Variants in JCAD observed in about 807,000 individuals in gnomAD.
JCAD encodes the protein junctional cadherin 5-associated protein.
In JCAD, 40 loss-of-function variants were observed where a neutral mutation model predicts 98.0. The observed-to-expected ratio is 0.41, with a 90% CI of 0.32 to 0.53. JCAD has a LOEUF of 0.53. JCAD is among the 20% of genes least tolerant of loss of function. The pLI is 0.31. For synonymous variants in JCAD, 691 were observed against 682.3 expected (o/e 1.01, Z -0.20); for missense variants, 1,705 against 1,738.1 (o/e 0.98, Z 0.34).
intron 1 of JCAD, among the ~76,000 whole-genome samples, chr10:30,077,245 T>C (rs1057193068): frequency 1.3e-5 from 2 of 152,106 alleles, no homozygotes; most frequent in African/African-American, 4.8e-5. Flanking sequence ...ATTGAGCAAA[T>C]AGAATCAAAT....
At chr10:30,092,480 A>G (rs972171796) in intron 1 of JCAD, among the ~76,000 whole-genome samples, 7 of 152,106 alleles carry the variant, frequency 4.6e-5, no homozygotes, top group Admixed American at 1.3e-4. Flanking sequence ...TCCGAACAGA[A>G]GCTAGCAGGC....
At chr10:30,107,024 TTTA>T (rs753235676) in intron 1 of JCAD, among the ~76,000 whole-genome samples, 5 of 152,214 alleles carry the variant, frequency 3.3e-5, no homozygotes, top group Admixed American at 6.5e-5. Flanking sequence ...GTCCTGATTC[TTTA>T]TTAACACTGG....
chr10:30,056,293 TTATC>T (rs1837568845), intron 1 of JCAD, among the ~76,000 whole-genome samples: 1 of 152,212 alleles, frequency 6.6e-6, no homozygotes, highest in Non-Finnish European at 1.5e-5. Context: ...AGCCAAGTCT[TTATC>T]AAAGTGTTTG....
intron 3 of JCAD, among the ~76,000 whole-genome samples, chr10:30,019,351 C>A (rs1836608550): frequency 8.4e-6 from 1 of 119,052 alleles, no homozygotes; most frequent in Non-Finnish European, 1.6e-5. Context: ...GAGCGAAACT[C>A]TGTCTCAAAA....
chr10:30,066,454 C>T lies in JCAD; in HGVS notation n.250+3246G>A, dbSNP rs555335480. ...TGTTTACTAGTGGTAGAAAGACATT[C>T]CAAGCTTCCCCCTGCCTGCAGTTTA... On this transcript the variant is annotated intron_variant and non_coding_transcript_variant, in intron 2 of 2. Coordinates refer to the JCAD transcript ENST00000465712. 3.8e-4 allele frequency among the ~76,000 whole-genome samples: 58 copies of T among 152,288 alleles called. No homozygotes were observed. In the Middle Eastern group the frequency reaches 0.017, roughly 45 times the overall value.
At chr10:30,036,250 C>T (rs996086568) in intron 2 of JCAD, among the ~76,000 whole-genome samples, 1 of 152,144 alleles carries the variant, frequency 6.6e-6, no homozygotes, top group Non-Finnish European at 1.5e-5. Context: ...TCAAGACCAG[C>T]CTGACCAACA....
In JCAD at chr10:30,027,591, T is replaced by G. The variant is rs1836859596; in HGVS notation, c.2557A>C (p.Ser853Arg). Residue 853 changes from serine (S) to arginine (R), a missense_variant, in exon 3 of 4, where the codon AGC (serine) becomes CGC (arginine). Ser to Arg is a moderately radical substitution (Grantham distance 110). This residue lies in a region of JCAD where 1,278 missense variants were observed against 1,243.1 expected (regional missense o/e 1.03). Transcript: ENST00000375377. ...QEEEESSSSS[S>R]SSSSSSEESE... ...TCCTCACTGCTGCTGCTGCTGCTGC[T>G]GCTGCTACTGCTGCTTTCTTCCTCT... 1 of 1,614,244 alleles carries G rather than the reference T, an allele frequency of 6.2e-7. No homozygotes were observed. The highest frequency in any genetic ancestry group is 8.5e-7 in the Non-Finnish European group (1 of 1,180,034).
chr10:30,086,430 T>C (rs1402619716), intron 1 of JCAD, among the ~76,000 whole-genome samples: 8 of 152,224 alleles, frequency 5.3e-5, no homozygotes, highest in Admixed American at 5.2e-4. Context: ...TTCTTTTGGT[T>C]TGCAGCTGCC....
At chr10:30,062,106 A>G (rs1837710777), upstream of JCAD, among the ~76,000 whole-genome samples, 1 of 152,228 alleles carries the variant, frequency 6.6e-6, no homozygotes, top group African/African-American at 2.4e-5. Context: ...TCAGAAAACA[A>G]CACTGATTCA....
intron 1 of JCAD, among the ~76,000 whole-genome samples, chr10:30,111,052 C>A (rs1354903296): frequency 1.3e-5 from 2 of 152,070 alleles, no homozygotes; most frequent in Non-Finnish European, 2.9e-5. Context: ...ATGTATAGAC[C>A]AGCTAATGGG....
At chr10:30,099,105 T>C (rs933660211) in intron 1 of JCAD, among the ~76,000 whole-genome samples, 2 of 152,250 alleles carry the variant, frequency 1.3e-5, no homozygotes, top group African/African-American at 4.8e-5. Context: ...AGACTTTCTC[T>C]AAACTGTGAA....
chr10:30,019,041 T>C (rs1836598372), intron 3 of JCAD, among the ~76,000 whole-genome samples: 1 of 152,172 alleles, frequency 6.6e-6, no homozygotes, highest in Non-Finnish European at 1.5e-5. Flanking sequence ...ATCAAGGTTT[T>C]CATGACTGGA....
In JCAD at chr10:30,026,238, A is replaced by G; in HGVS notation, c.3910T>C (p.Ser1304Pro). 6.2e-7 allele frequency: 1 copy of G among 1,613,938 alleles called. No homozygotes were observed. Among genetic ancestry groups the G allele is most frequent in the South Asian group, 1.1e-5 (1 of 91,076 alleles). The change falls in exon 3 of 4, where the codon TCT becomes CCT. Residue 1304 changes from serine to proline, a missense_variant. By Grantham distance (74) the Ser-to-Pro change is moderately conservative. Coordinates refer to ENST00000375377, the MANE Select transcript of JCAD (RefSeq NM_020848.4). ...TGGGCACGGTCCCCACTGCCAGGAGACACAAGGCCTCCCGGGAGCCCGGCC... is the reference window on the plus strand; with the variant it reads ...TGGGCACGGTCCCCACTGCCAGGAGGCACAAGGCCTCCCGGGAGCCCGGCC... Reference protein sequence around the residue: ...GQAGLPGGLVSPGSGDRAQRL... With the variant: ...GQAGLPGGLVPPGSGDRAQRL...
At chr10:30,034,131 G>A (rs1837060504) in intron 2 of JCAD, among the ~76,000 whole-genome samples, 2 of 151,568 alleles carry the variant, frequency 1.3e-5, no homozygotes, top group Non-Finnish European at 2.9e-5. Context: ...GCTGAGGTGG[G>A]AGAATCGCTT....
chr10:30,028,042 C>T lies in JCAD; in HGVS notation c.2106G>A (p.Ser702=). 3 of 1,614,228 alleles carry T rather than the reference C, an allele frequency of 1.9e-6. No homozygotes were observed. The highest frequency in any genetic ancestry group is 2.5e-6 in the Non-Finnish European group (3 of 1,180,044). ...QTSFSEEPQS[S]QLLPGAKLGG... is the part of the protein sequence containing the mutation. Reference sequence around the variant, plus strand: ...CCAGCTTTGCACCAGGGAGCAGCTGCGAACTTTGGGGCTCCTCGGAGAAAC... The same window carrying T: ...CCAGCTTTGCACCAGGGAGCAGCTGTGAACTTTGGGGCTCCTCGGAGAAAC... Residue 702 remains serine, a synonymous_variant, in exon 3 of 4, where the codon TCG becomes TCA. Coordinates refer to ENST00000375377, the MANE Select transcript of JCAD (RefSeq NM_020848.4).
chr10:30,070,769 G>A (rs1239489346), intron 1 of JCAD, among the ~76,000 whole-genome samples: 1 of 152,204 alleles, frequency 6.6e-6, no homozygotes, highest in Non-Finnish European at 1.5e-5. Context: ...TTTAAAAGCA[G>A]TACTACCTTA....
At chr10:30,113,930 G>A (rs1838750051) in intron 1 of JCAD, among the ~76,000 whole-genome samples, 2 of 152,096 alleles carry the variant, frequency 1.3e-5, no homozygotes, top group African/African-American at 4.8e-5. Flanking sequence ...GGATGGTCTT[G>A]ATCTCCTATC....
chr10:30,089,758 C>T (rs1036076042), intron 1 of JCAD, among the ~76,000 whole-genome samples: 2 of 152,048 alleles, frequency 1.3e-5, no homozygotes, highest in Non-Finnish European at 2.9e-5. Flanking sequence ...TGGAATAGAG[C>T]AGCAGATGCC....
chr10:30,087,719 C>T (rs969828486), intron 1 of JCAD, among the ~76,000 whole-genome samples: 2 of 152,184 alleles, frequency 1.3e-5, no homozygotes, highest in African/African-American at 4.8e-5. Flanking sequence ...AATACAATTG[C>T]CCAACTCAAC....
Sources: gnomAD v4.1 joint callset for allele counts (sites outside exome capture counted in the v4.1 genomes callset) on GRCh38, gnomAD v4.1.1 for gene constraint, gnomAD v4.1.1 regional missense constraint, MANE v1.5 for transcripts, NCBI Gene and HGNC (gene_info 2026-07-23, HGNC 2026-07-21) for gene names.